Variants in HELLS observed in about 807,000 individuals in gnomAD.
HELLS encodes helicase, lymphoid specific.
A neutral mutation model predicts 120.0 loss-of-function variants in HELLS; 32 were observed. The observed-to-expected ratio is 0.27, with a 90% CI of 0.20 to 0.36. The LOEUF is 0.36. Ranked by LOEUF, HELLS falls within the 10% of genes least tolerant of loss-of-function variation. The pLI is 1.00. For missense variants in HELLS, 650 were observed against 993.4 expected (o/e 0.65, Z 4.65); for synonymous variants, 341 against 323.4 (o/e 1.05, Z -0.58).
At chr10:94,605,076 C>CG (rs1031897301), downstream of HELLS, among the ~76,000 whole-genome samples, 29 of 117,524 alleles carry the variant, frequency 2.5e-4, 1 homozygote, top group Non-Finnish European at 5.3e-4. Flanking sequence ...TGTGTCTCCC[C>CG]CCCCCCCCCT....
chr10:94,582,073 A>G (rs1844897859), intron 11 of HELLS, among the ~76,000 whole-genome samples: 1 of 152,212 alleles, frequency 6.6e-6, no homozygotes, highest in Non-Finnish European at 1.5e-5. Context: ...ATGGAGGAGG[A>G]GGTAATGTTG....
At position 94,564,654 on chromosome 10, in the gene HELLS, C is replaced by T. The variant is rs546572557; in HGVS notation, c.435+1778C>T. Among the ~76,000 whole-genome samples the T allele has an allele frequency of 1.6e-4, 24 of 152,186 alleles. No individual in the cohort carries two copies. The East Asian group carries it at 4.3e-3, about 27-fold the overall frequency. On this transcript the variant is annotated intron_variant, in intron 6 of 21. Coordinates refer to ENST00000348459, the MANE Select transcript of HELLS (RefSeq NM_018063.5). The stretch of plus-strand genomic sequence containing the variant: ...TTGGAGACAGTCTTGCTCTGTCCCT[C>T]AGGCTGGAGTGCAGTGGCGCGATCT...
intron 12 of HELLS, among the ~76,000 whole-genome samples, chr10:94,584,531 A>G (rs1451732195): frequency 1.3e-5 from 2 of 152,118 alleles, no homozygotes; most frequent in African/African-American, 4.8e-5. Context: ...TCACATCCTC[A>G]TCAGTAGTGT....
At chr10:94,578,057 C>T (rs1330453460) in intron 10 of HELLS, among the ~76,000 whole-genome samples, 2 of 122,742 alleles carry the variant, frequency 1.6e-5, no homozygotes, top group Non-Finnish European at 3.2e-5. Context: ...GCCGACAGAG[C>T]GAGACTCCGT....
rs34515684 is a variant in HELLS, at chr10:94,600,292, T to TAA, written c.2423-1220_2423-1219dup. 3.6e-3 allele frequency among the ~76,000 whole-genome samples: 509 copies of TAA among 139,868 alleles called. 2 individuals are homozygous for TAA. Among genetic ancestry groups the TAA allele is most frequent in the East Asian group, 0.02 (97 of 4,860 alleles). 91.8% of individuals were successfully genotyped at this position (139,868 alleles called of 152,430 possible). A position where few individuals can be genotyped will look rare whatever the true frequency, so the allele number is the denominator to read the frequency against. ...GGTGACAGAGCGAGACTCTGTCTCT[T>TAA]AAAAAAAAAAAAAAAAATCCCAGAA... is the stretch of plus-strand genomic sequence containing the variant. On this transcript the variant is annotated intron_variant, in intron 21 of 21. Coordinates refer to ENST00000348459, the MANE Select transcript of HELLS (RefSeq NM_018063.5).
chr10:94,590,653 G>T lies in HELLS; in HGVS notation c.1644G>T (p.Val548=), dbSNP rs1417016871. 2 of 1,609,442 alleles carry T rather than the reference G, an allele frequency of 1.2e-6. No homozygotes were observed. Among genetic ancestry groups the T allele is most frequent in the Admixed American group, 3.4e-5 (2 of 58,814 alleles). ...GTTTTGGTAGAGCTGTTGTGGAAGT[G>T]AATATCCCTGTAGAATCTGAAGTTA... The part of the protein sequence containing the change: ...EVDRERAVVE[V]NIPVESEVNL... Residue 548 remains valine, a synonymous_variant, in exon 15 of 22, where the codon GTG becomes GTT. Transcript: ENST00000348459.
chr10:94,569,269 G>C (rs1180866969), intron 6 of HELLS: 1 of 151,058 alleles, frequency 6.6e-6, no homozygotes, highest in Non-Finnish European at 1.5e-5. Context: ...TACAACCTTT[G>C]CCTCTTGGGT....
intron 6 of HELLS, among the ~76,000 whole-genome samples, chr10:94,563,967 C>A (rs1843673781): frequency 6.6e-6 from 1 of 152,068 alleles, no homozygotes; most frequent in Non-Finnish European, 1.5e-5. Context: ...TGTGCCACCA[C>A]ACCCGGCTAA....
intron 18 of HELLS, among the ~76,000 whole-genome samples, chr10:94,594,228 A>G (rs190038294): frequency 4.0e-5 from 6 of 151,812 alleles, no homozygotes; most frequent in South Asian, 2.1e-4. Context: ...GGGTCTCACT[A>G]TCACCCAGGC....
rs1014670027 is a variant in HELLS, at chr10:94,601,974, C to T, written c.*352C>T. On this transcript the variant is annotated 3_prime_UTR_variant, in exon 22 of 22. Transcript: ENST00000348459. ...TGCAGTTCATGGGCTTTAGGTACTT[C>T]AGTTATGAAGTAGGCTTTTCATGGG... is the stretch of plus-strand genomic sequence containing the variant. The T allele has an allele frequency of 3.8e-5, 6 of 156,634 alleles. No individual in the cohort carries two copies. The highest frequency in any genetic ancestry group is 1.4e-4 in the African/African-American group (6 of 41,502). 9.7% of individuals were successfully genotyped at this position (156,634 alleles called of 1,614,324 possible).
In HELLS at chr10:94,562,729, TA is replaced by T; in HGVS notation, c.370+5del. The T allele has an allele frequency of 6.3e-7, 1 of 1,584,752 alleles. No individual in the cohort carries two copies. Among genetic ancestry groups the T allele is most frequent in the South Asian group, 1.1e-5 (1 of 87,148 alleles). Reference sequence around the variant, plus strand: ...TTGATGCAAGTGAAGAGAAGCCAGGTAAATATCCTTATTCTAGTTTTGAAGA... The same window carrying T: ...TTGATGCAAGTGAAGAGAAGCCAGGTAATATCCTTATTCTAGTTTTGAAGA... On this transcript the variant is annotated splice_donor_region_variant and intron_variant, in intron 5 of 21. Transcript: ENST00000348459.
chr10:94,590,672 GA>G lies in HELLS; in HGVS notation c.1665del (p.Val556LeufsTer3). The G allele has an allele frequency of 6.2e-7, 1 of 1,610,592 alleles. No homozygotes were observed. The highest frequency in any genetic ancestry group is 8.5e-7 in the Non-Finnish European group (1 of 1,178,768). On this transcript the variant is annotated frameshift_variant, in exon 15 of 22. Transcript: ENST00000348459. LOFTEE classifies it high-confidence loss of function. ...VVEVNIPVES[E>X]VNLKLQNIMM... Reference sequence around the variant, plus strand: ...GGAAGTGAATATCCCTGTAGAATCTGAAGTTAATCTGAAGCTGCAGAATATA... The same window carrying G: ...GGAAGTGAATATCCCTGTAGAATCTGAGTTAATCTGAAGCTGCAGAATATA...
At chr10:94,595,228 A>G (rs1489747443) in intron 19 of HELLS, among the ~76,000 whole-genome samples, 3 of 94,248 alleles carry the variant, frequency 3.2e-5, no homozygotes, top group Non-Finnish European at 7.1e-5. Context: ...ACTCTGTCTC[A>G]AAAAAAAAAA....
At chr10:94,553,997 T>A (rs1210871265) in intron 2 of HELLS, 129 bp from the exon 3 acceptor site, 6 of 770,426 alleles carry the variant, frequency 7.8e-6, no homozygotes, top group Non-Finnish European at 1.2e-5. Flanking sequence ...AGTTATTTGT[T>A]CCAGTTTTTG....
At position 94,601,557 on chromosome 10, in the gene HELLS, G is replaced by A. The variant is rs1846032500; in HGVS notation, c.2452G>A (p.Glu818Lys). The A allele has an allele frequency of 2.5e-6, 4 of 1,578,308 alleles. No homozygotes were observed. In the East Asian group the frequency reaches 6.8e-5, roughly 27 times the overall value. ...DQMNASGPIK[E>K]KMGIFKILEN... ...AATGAATGCTTCAGGACCAATTAAA[G>A]AGAAGATGGGGATATTCAAGATATT... Residue 818 changes from glutamate to lysine, a missense_variant, in exon 22 of 22, where the codon GAG becomes AAG. Glu to Lys is a moderately conservative substitution (Grantham distance 56). Coordinates refer to ENST00000348459, the MANE Select transcript of HELLS (RefSeq NM_018063.5).
At chr10:94,558,813 C>T (rs1400005082) in intron 4 of HELLS, among the ~76,000 whole-genome samples, 1 of 152,052 alleles carries the variant, frequency 6.6e-6, no homozygotes, top group Admixed American at 6.6e-5. Flanking sequence ...GTGTTAGCCA[C>T]GATGGTCTCC....
downstream of HELLS, among the ~76,000 whole-genome samples, chr10:94,606,589 G>A (rs1846132221): frequency 6.6e-6 from 1 of 151,966 alleles, no homozygotes. Context: ...TTCTCAGAGG[G>A]TCCTCCTATG....
intron 2 of HELLS, among the ~76,000 whole-genome samples, chr10:94,548,481 T>C (rs1296610055): frequency 6.6e-6 from 1 of 152,210 alleles, no homozygotes; most frequent in Non-Finnish European, 1.5e-5. Flanking sequence ...CAGTACATTT[T>C]CAGAAGGTAT....
intron 19 of HELLS, 144 bp from the exon 20 acceptor site, chr10:94,596,716 C>G (rs1208075337): frequency 5.5e-6 from 3 of 541,634 alleles, no homozygotes; most frequent in Non-Finnish European, 9.9e-6. Context: ...ACCAGCGAAG[C>G]CTGAGAGCTT....
Sources: allele counts gnomAD v4.1 joint callset (sites outside exome capture counted in the v4.1 genomes callset), GRCh38; gene constraint gnomAD v4.1.1; transcripts MANE v1.5; gene names NCBI Gene and HGNC (gene_info 2026-07-23, HGNC 2026-07-21).